The following CFAP36 variants were observed in gnomAD, a reference collection of about 807,000 sequenced individuals.
CFAP36 encodes cilia and flagella associated protein 36, also known as cilia- and flagella-associated protein 36.
Under a neutral mutation model 50.5 loss-of-function variants are expected in CFAP36, and 37 were observed. The ratio of observed to expected loss-of-function variants is 0.73; its 90% CI spans 0.56 to 0.96. The LOEUF is 0.96. Ranked by LOEUF, CFAP36 falls within the 50% of genes least tolerant of loss-of-function variation. The pLI is 0.00. For synonymous variants in CFAP36, 138 were observed against 128.2 expected (o/e 1.08, Z -0.52); for missense variants, 407 against 396.2 (o/e 1.03, Z -0.23).
rs987790208 is a variant in CFAP36, at chr2:55,522,782, C to T, written c.180+616C>T. On this transcript the variant is annotated intron_variant, in intron 2 of 9. Transcript: ENST00000349456. ...TTTACAGGTGTGAGCCACTGCCCAG[C>T]CTGTCTTGTGATTTTAAAAAATGCC... is the stretch of plus-strand genomic sequence containing the variant. Among the ~76,000 whole-genome samples the T allele has an allele frequency of 1.8e-4, 27 of 152,254 alleles. 1 individual carries two copies. Among genetic ancestry groups the T allele is most frequent in the African/African-American group, 5.3e-4 (22 of 41,578 alleles).
intron 3 of CFAP36, 132 bp downstream of exon 3, chr2:55,523,954 A>T: frequency 1.8e-6 from 1 of 547,574 alleles, no homozygotes; most frequent in East Asian, 3.1e-5. Flanking sequence ...AAGATAATTC[A>T]TCACATATGA....
chr2:55,520,301 T>TGA (rs757089114), intron 1 of CFAP36: 9 of 1,027,768 alleles, frequency 8.8e-6, no homozygotes, highest in Non-Finnish European at 1.3e-5. Flanking sequence ...TTGCCAGACT[T>TGA]GAGAGGAGAA....
chr2:55,531,932 GAAT>G (rs1289251856), intron 4 of CFAP36, among the ~76,000 whole-genome samples: 1 of 152,180 alleles, frequency 6.6e-6, no homozygotes, highest in Non-Finnish European at 1.5e-5. Context: ...GAATGATGTA[GAAT>G]AATGACTATT....
chr2:55,534,023 C>A, intron 5 of CFAP36, 63 bp downstream of exon 5: 1 of 940,102 alleles, frequency 1.1e-6, no homozygotes, highest in Non-Finnish European at 1.6e-6. Context: ...TGTACATATG[C>A]TTTTTGCCCA....
intron 7 of CFAP36, among the ~76,000 whole-genome samples, chr2:55,542,389 A>G (rs1684659776): frequency 6.6e-6 from 1 of 152,240 alleles, no homozygotes; most frequent in South Asian, 2.1e-4. Context: ...ATGGAAGCCC[A>G]GTATGAAGAC....
chr2:55,520,997 C>T (rs1210444998), intron 1 of CFAP36, among the ~76,000 whole-genome samples: 1 of 152,158 alleles, frequency 6.6e-6, no homozygotes, highest in African/African-American at 2.4e-5. Flanking sequence ...ATCAAATGGT[C>T]GGTTATCCTG....
At chr2:55,537,644 A>T in intron 7 of CFAP36, 59 bp downstream of exon 7, 1 of 1,116,326 alleles carries the variant, frequency 9.0e-7, no homozygotes. Context: ...CACCATATAG[A>T]ATGTGCCACT....
chr2:55,524,779 C>T (rs182566164), intron 3 of CFAP36, among the ~76,000 whole-genome samples: 4 of 151,852 alleles, frequency 2.6e-5, no homozygotes, highest in African/African-American at 4.8e-5. Context: ...GTCGGGAGTT[C>T]GAGACCAGCC....
rs1045920 is a variant in CFAP36, at chr2:55,544,033, A to G, written c.736A>G (p.Ile246Val). The change falls in exon 8 of 10, where the codon ATT becomes GTT. Residue 246 changes from isoleucine (I) to valine (V), a missense_variant. By Grantham distance (29) the Ile-to-Val change is conservative. Coordinates refer to ENST00000349456, the MANE Select transcript of CFAP36 (RefSeq NM_080667.7). Reference protein sequence around the residue: ...TSSLPQKDLKIPGLEHASIEG... With the variant: ...TSSLPQKDLKVPGLEHASIEG... The stretch of plus-strand genomic sequence containing the variant: ...CTCCCTCCCACAAAAAGACCTGAAG[A>G]TTCCTGGCTTAGAGCATGCGAGCAT... 1.2e-6 allele frequency: 2 copies of G among 1,613,882 alleles called. No individual in the cohort carries two copies. Among genetic ancestry groups the G allele is most frequent in the Non-Finnish European group, 1.7e-6 (2 of 1,179,936 alleles).
At chr2:55,523,546 A>G (rs1249007869) in intron 2 of CFAP36, among the ~76,000 whole-genome samples, 175 bp from the exon 3 acceptor site, 2 of 152,252 alleles carry the variant, frequency 1.3e-5, no homozygotes, top group Non-Finnish European at 2.9e-5. Flanking sequence ...GATTTTCAGC[A>G]AAAATATTAA....
intron 5 of CFAP36, among the ~76,000 whole-genome samples, chr2:55,534,675 G>C (rs543233837): frequency 6.6e-6 from 1 of 152,336 alleles, no homozygotes; most frequent in South Asian, 2.1e-4. Flanking sequence ...GCAAAAGGAT[G>C]CCTATAATCA....
At position 55,545,075 on chromosome 2, in the gene CFAP36, A is replaced by G; in HGVS notation, c.*67A>G. ...TAAAAATAAATTATTTAGTCCTTAC[A>G]CTGAGCCTTTTAGTTTCGAACACTT... On this transcript the variant is annotated 3_prime_UTR_variant, in exon 10 of 10. Transcript: ENST00000349456. 1 of 953,556 alleles carries G rather than the reference A, an allele frequency of 1.0e-6. No homozygotes were observed. The allele number at this position is 953,556 out of a possible 1,614,324, so 59.1% of individuals were successfully genotyped here. A position where few individuals can be genotyped will look rare whatever the true frequency, so the allele number is the denominator to read the frequency against.
intron 2 of CFAP36, among the ~76,000 whole-genome samples, chr2:55,522,907 C>A (rs1399935533): frequency 6.6e-6 from 1 of 151,992 alleles, no homozygotes; most frequent in Non-Finnish European, 1.5e-5. Flanking sequence ...CCAGCCTGGG[C>A]AACATGGTGA....
intron 2 of CFAP36, among the ~76,000 whole-genome samples, chr2:55,522,443 G>T (rs1417846479): frequency 6.6e-6 from 1 of 151,930 alleles, no homozygotes; most frequent in Non-Finnish European, 1.5e-5. Flanking sequence ...ACGCATCCAG[G>T]GACATATTAA....
In CFAP36 at chr2:55,544,249, T is replaced by C; in HGVS notation, c.807T>C (p.Leu269=). 1 of 1,613,756 alleles carries C rather than the reference T, an allele frequency of 6.2e-7. No homozygotes were observed. Among genetic ancestry groups the C allele is most frequent in the Non-Finnish European group, 8.5e-7 (1 of 1,179,916 alleles). The change falls in exon 9 of 10, where the codon CTT becomes CTC. Residue 269 remains leucine (L), a synonymous_variant. Transcript: ENST00000349456. Reference sequence around the variant, plus strand: ...TATCAGTACTTGGAACAGAAGAACTTCGGCAACGAGAACACTATCTCAAGC... The same window carrying C: ...TATCAGTACTTGGAACAGAAGAACTCCGGCAACGAGAACACTATCTCAAGC... ...ANLSVLGTEE[L]RQREHYLKQK...
intron 2 of CFAP36, among the ~76,000 whole-genome samples, chr2:55,522,875 G>T (rs1684108297): frequency 6.6e-6 from 1 of 151,724 alleles, no homozygotes; most frequent in African/African-American, 2.4e-5. Flanking sequence ...CAGGTGGATT[G>T]CTTCAGCCAA....
At chr2:55,522,049 A>G in intron 1 of CFAP36, 53 bp from the exon 2 acceptor site, 1 of 901,580 alleles carries the variant, frequency 1.1e-6, no homozygotes, top group Non-Finnish European at 1.7e-6. Flanking sequence ...TTAAATTTGC[A>G]TTAATAAAAT....
chr2:55,519,920 A>G lies in CFAP36; in HGVS notation c.115+4A>G, dbSNP rs762151425. The G allele has an allele frequency of 2.0e-5, 32 of 1,613,704 alleles. No homozygotes were observed. In the Admixed American group the frequency reaches 5.3e-4, roughly 27 times the overall value. ...TTTGTGGAACAGAAATGTGAAGGTAAAAACCAGAGCCCGAACCGACAATCC... is the reference window on the plus strand; with the variant it reads ...TTTGTGGAACAGAAATGTGAAGGTAGAAACCAGAGCCCGAACCGACAATCC... On this transcript the variant is annotated splice_donor_region_variant and intron_variant, in intron 1 of 9. Transcript: ENST00000349456.
At chr2:55,538,935 T>A in intron 7 of CFAP36, 1 of 1,427,222 alleles carries the variant, frequency 7.0e-7, no homozygotes, top group South Asian at 1.6e-5. Flanking sequence ...TAATGTAAGT[T>A]GGAGAACACC....
Sources: gnomAD v4.1 joint callset for allele counts (sites outside exome capture counted in the v4.1 genomes callset) on GRCh38, gnomAD v4.1.1 for gene constraint, MANE v1.5 for transcripts, NCBI Gene and HGNC (gene_info 2026-07-23, HGNC 2026-07-21) for gene names.